SYNE2: variants seen among roughly 807,000 people sequenced by gnomAD.
SYNE2 encodes spectrin repeat containing nuclear envelope protein 2, also known as nesprin-2.
In SYNE2, 431 loss-of-function variants were observed where a neutral mutation model predicts 856.3. The ratio of observed to expected loss-of-function variants is 0.50; its 90% CI spans 0.47 to 0.55. The LOEUF (loss-of-function observed/expected upper bound fraction) is 0.55. Ranked by LOEUF, SYNE2 falls within the 20% of genes least tolerant of loss-of-function variation. The probability of loss-of-function intolerance (pLI) is 0.00; values close to 1 mark genes in which losing one functional copy is unlikely to be tolerated. For missense variants in SYNE2, 8,129 were observed against 8,023.2 expected (o/e 1.01, Z -0.50); for synonymous variants, 2,923 against 2,872.3 (o/e 1.02, Z -0.56).
chr14:63,815,306 T>TA (rs71120292), intron 1 of SYNE2, among the ~76,000 whole-genome samples: 79,419 of 125,430 alleles, frequency 0.63, 27,295 homozygotes, highest in South Asian at 0.78. Flanking sequence ...CAAGTTCCCA[T>TA]ATAGGCCGTC....
chr14:63,773,394 T>C (rs576268279), intron 1 of SYNE2, among the ~76,000 whole-genome samples: 2 of 151,802 alleles, frequency 1.3e-5, no homozygotes, highest in South Asian at 2.1e-4. Flanking sequence ...GAGACAGGGG[T>C]CTTCCCATGT....
rs143832947 is a variant in SYNE2, at chr14:64,064,217, A to G, written c.10213-1215A>G. Among the ~76,000 whole-genome samples, 411 of 152,334 alleles carry G rather than the reference A, an allele frequency of 2.7e-3. 3 individuals carry two copies. Among genetic ancestry groups the G allele is most frequent in the Non-Finnish European group, 2.4e-3 (160 of 68,030 alleles). On this transcript the variant is annotated intron_variant, in intron 50 of 115. Transcript: ENST00000555002. ...TTGGGCTACTATTCATCTGGAGCACAAGCATTTGATACCACAACAGTTGAT... is the reference window on the plus strand; with the variant it reads ...TTGGGCTACTATTCATCTGGAGCACGAGCATTTGATACCACAACAGTTGAT...
At chr14:64,036,199 T>TA (rs61627778) in intron 45 of SYNE2, among the ~76,000 whole-genome samples, 11,156 of 143,932 alleles carry the variant, frequency 0.078, 950 homozygotes, top group African/African-American at 0.22. Flanking sequence ...CTTTTTTACT[T>TA]AAAAAAAAAA....
intron 45 of SYNE2, among the ~76,000 whole-genome samples, chr14:64,035,934 T>C (rs1172656690): frequency 6.6e-6 from 1 of 151,820 alleles, no homozygotes; most frequent in Non-Finnish European, 1.5e-5. Flanking sequence ...GAAGTTATCT[T>C]ATCTGTACTC....
In SYNE2 at chr14:64,139,936, G is replaced by T. The variant is rs17825431; in HGVS notation, c.14844-5G>T. ...CTGCCTTCTCTCTCACTTTGCTCCT[G>T]TTAGTTATAACAGAGATTCGGATCA... On this transcript the variant is annotated splice_polypyrimidine_tract_variant and splice_region_variant and intron_variant, in intron 79 of 115. Transcript: ENST00000555002. 2 of 1,613,712 alleles carry T rather than the reference G, an allele frequency of 1.2e-6. No homozygotes were observed. Among genetic ancestry groups the T allele is most frequent in the Admixed American group, 3.3e-5 (2 of 59,990 alleles).
At chr14:63,987,644 T>C (rs1286513823) in intron 19 of SYNE2, among the ~76,000 whole-genome samples, 1 of 152,216 alleles carries the variant, frequency 6.6e-6, no homozygotes, top group East Asian at 1.9e-4. Flanking sequence ...TTGAAAATAT[T>C]ATATAAATCT....
chr14:63,957,598 G>T (rs904097139), intron 8 of SYNE2, among the ~76,000 whole-genome samples: 1 of 151,894 alleles, frequency 6.6e-6, no homozygotes, highest in African/African-American at 2.4e-5. Flanking sequence ...AACTTCAGCG[G>T]GGCACTGTAG....
chr14:64,184,084 C>A (rs555507262), intron 96 of SYNE2, among the ~76,000 whole-genome samples: 1 of 151,874 alleles, frequency 6.6e-6, no homozygotes, highest in African/African-American at 2.4e-5. Context: ...CCACAAGAGA[C>A]CTCATTCTAT....
Position 64,218,585 on chromosome 14 carries a change from A to G in SYNE2, c.19657+73A>G. The G allele has an allele frequency of 2.1e-6, 3 of 1,406,662 alleles. No homozygotes were observed. The South Asian group carries it at 3.6e-5, about 17-fold the overall frequency. 87.1% of individuals were successfully genotyped at this position (1,406,662 alleles called of 1,614,324 possible). On this transcript the variant is annotated intron_variant, in intron 109 of 115. Transcript: ENST00000555002. ...TAAGTCCTTGCTCAAGAGAACATTC[A>G]TTAGATATTAACCAACTATACGATT...
rs1340889286 is a variant in SYNE2 at position 64,130,566 on chromosome 14, C to T, written c.14340+318C>T. Reference sequence around the variant, plus strand: ...TACATTCTATGAGAGCATTTAATAGCAGAAGGTGACTTAGGAAAGTTAGAA... The same window carrying T: ...TACATTCTATGAGAGCATTTAATAGTAGAAGGTGACTTAGGAAAGTTAGAA... On this transcript the variant is annotated intron_variant, in intron 76 of 115. Coordinates refer to ENST00000555002, the MANE Select transcript of SYNE2 (RefSeq NM_182914.3). Among the ~76,000 whole-genome samples, 37 of 152,146 alleles carry T rather than the reference C, an allele frequency of 2.4e-4. 1 individual carries two copies. The highest frequency in any genetic ancestry group is 2.9e-5 in the Non-Finnish European group (2 of 68,028).
chr14:63,882,670 C>T (rs1291197312), intron 1 of SYNE2, among the ~76,000 whole-genome samples: 1 of 152,076 alleles, frequency 6.6e-6, no homozygotes, highest in Non-Finnish European at 1.5e-5. Context: ...GGTGCCACTG[C>T]ACTCCAGTGT....
intron 63 of SYNE2, 134 bp downstream of exon 63, chr14:64,098,955 G>A (rs1174670330): frequency 3.4e-6 from 3 of 883,526 alleles, no homozygotes; most frequent in African/African-American, 1.7e-5. Context: ...TATGATTGAA[G>A]TAGTTCTCTT....
chr14:63,938,225 T>C (rs1020813433), intron 2 of SYNE2, among the ~76,000 whole-genome samples: 1 of 151,388 alleles, frequency 6.6e-6, no homozygotes, highest in Non-Finnish European at 1.5e-5. Flanking sequence ...GGGAGGTGAG[T>C]TGGGAGGATT....
intron 85 of SYNE2, among the ~76,000 whole-genome samples, chr14:64,157,979 T>A (rs1039016517): frequency 2.6e-5 from 4 of 152,256 alleles, no homozygotes; most frequent in Non-Finnish European, 5.9e-5. Context: ...TGATTGTATC[T>A]GAGATCATTT....
Position 63,942,071 on chromosome 14 carries a change from T to C in SYNE2, c.336T>C (p.His112=), listed in dbSNP as rs1479246056. 1.9e-6 allele frequency: 3 copies of C among 1,611,102 alleles called. No individual in the cohort carries two copies. In the African/African-American group the frequency reaches 4.0e-5, roughly 22 times the overall value. ...RNRSIKLINI[H]VTDIIDGNPS... ...TCCAGATTAAGCTAATAAATATTCATGTTACTGATATCATTGATGGAAACC... is the reference window on the plus strand; with the variant it reads ...TCCAGATTAAGCTAATAAATATTCACGTTACTGATATCATTGATGGAAACC... The change falls in exon 6 of 116, where the codon CAT becomes CAC. Residue 112 remains histidine (H), a synonymous_variant. Coordinates refer to ENST00000555002, the MANE Select transcript of SYNE2 (RefSeq NM_182914.3).
At position 63,890,059 on chromosome 14, in the gene SYNE2, T is replaced by C. The variant is rs1217885017; in HGVS notation, c.-51-19039T>C. Among the ~76,000 whole-genome samples the C allele has an allele frequency of 9.9e-4, 145 of 145,960 alleles. 1 individual carries two copies. In the East Asian group the frequency reaches 0.015, roughly 15 times the overall value. On this transcript the variant is annotated intron_variant, in intron 1 of 115. Transcript: ENST00000555002. ...GTCTTGTCTTTCTTTCTTTCTTTTT[T>C]TTTTTTTTTTTTTTTGAGATAGGGT...
At position 64,113,499 on chromosome 14, in the gene SYNE2, C is replaced by T. The variant is rs1054818924; in HGVS notation, c.12768C>T (p.Asn4256=). The change falls in exon 66 of 116, where the codon AAC becomes AAT. Residue 4256 remains asparagine (N), a synonymous_variant. Transcript: ENST00000555002. ...AELELWLQQA[N]VAVEPETLNA... ...TGGAGCTGTGGCTGCAACAAGCCAA[C>T]GTGGCAGTTGAGCCGGAAACATTAA... 8.7e-6 allele frequency: 14 copies of T among 1,613,954 alleles called. No individual in the cohort carries two copies. In the African/African-American group the frequency reaches 9.3e-5, roughly 11 times the overall value.
At chr14:64,113,661 T>G in intron 66 of SYNE2, 90 bp downstream of exon 66, 1 of 1,361,094 alleles carries the variant, frequency 7.3e-7, no homozygotes, top group Non-Finnish European at 1.0e-6. Flanking sequence ...ACACTGTTTT[T>G]CTTTCTGTTA....
chr14:64,023,585 T>C (rs1484121959), intron 38 of SYNE2: 2 of 153,016 alleles, frequency 1.3e-5, no homozygotes, highest in Admixed American at 6.5e-5. Context: ...TGAACTTCAG[T>C]ACATTTCTGG....
Sources: allele counts gnomAD v4.1 joint callset (sites outside exome capture counted in the v4.1 genomes callset), GRCh38; gene constraint gnomAD v4.1.1; transcripts MANE v1.5; gene names NCBI Gene and HGNC (gene_info 2026-07-23, HGNC 2026-07-21).